LTN1: variants seen among roughly 807,000 people sequenced by gnomAD.
LTN1 encodes E3 ubiquitin-protein ligase listerin.
LTN1 carries 88 observed loss-of-function variants against 201.2 expected under a neutral mutation model. The observed-to-expected ratio is 0.44, with a 90% CI of 0.37 to 0.52. The LOEUF (loss-of-function observed/expected upper bound fraction) is 0.52, where lower values mean the gene tolerates loss of function less well. LTN1 is among the 20% of genes least tolerant of loss of function. The pLI is 0.00. For synonymous variants in LTN1, 645 were observed against 713.5 expected (o/e 0.90, Z 1.53); for missense variants, 1,752 against 2,038.7 (o/e 0.86, Z 2.71).
Position 28,944,665 on chromosome 21 carries a change from A to G in LTN1, c.3769-69T>C, listed in dbSNP as rs1601171110. On this transcript the variant is annotated intron_variant, in intron 21 of 29. Transcript: ENST00000361371. ...AGAACACTACAAATAAAGCCAATAT[A>G]AAGAAAAGCCCCACTTTCATTTCTT... 6 of 1,082,416 alleles carry G rather than the reference A, an allele frequency of 5.5e-6. No homozygotes were observed. The East Asian group carries it at 1.6e-4, about 28-fold the overall frequency. The allele number at this position is 1,082,416 out of a possible 1,614,324, so 67.1% of individuals were successfully genotyped here. A position where few individuals can be genotyped will look rare whatever the true frequency, so the allele number is the denominator to read the frequency against.
rs774672407 is a variant in LTN1 at position 28,966,412 on chromosome 21, G to A, written c.2079C>T (p.Asp693=). 9 of 1,611,630 alleles carry A rather than the reference G, an allele frequency of 5.6e-6. No homozygotes were observed. The highest frequency in any genetic ancestry group is 7.6e-6 in the Non-Finnish European group (9 of 1,179,430). Residue 693 remains aspartate (D), a synonymous_variant, in exon 10 of 30, where the codon GAC becomes GAT. Transcript: ENST00000361371. ...AGACTTTTTTTCTTTCCATATCATT[G>A]TCACAGCACCGGAGAGCACTGTACA... The part of the protein sequence containing the change: ...DILYSALRCC[D]NDMERKKVLD...
chr21:28,972,257 G>A (rs1446492462), intron 6 of LTN1, among the ~76,000 whole-genome samples: 2 of 152,128 alleles, frequency 1.3e-5, no homozygotes, highest in East Asian at 3.9e-4. Flanking sequence ...GAAATTTCCA[G>A]CCTACAGAAC....
chr21:28,953,257 G>A lies in LTN1; in HGVS notation c.3199C>T (p.Leu1067Phe). ...TGCAAAAGGCCCGACGTATTACCAA[G>A]TACACGTAAGTTATCATACGTAATA... is the stretch of plus-strand genomic sequence containing the variant. ...MNITYDNLRV[L>F]GNTSGLLQLL... The change falls in exon 17 of 30, where the codon CTT (leucine) becomes TTT (phenylalanine). Residue 1067 changes from leucine to phenylalanine, a missense_variant. Physicochemically the swap from Leu to Phe is conservative, Grantham distance 22 (BLOSUM62 0). Transcript: ENST00000361371. The A allele has an allele frequency of 6.3e-7, 1 of 1,594,086 alleles. No individual in the cohort carries two copies. Among genetic ancestry groups the A allele is most frequent in the Non-Finnish European group, 8.5e-7 (1 of 1,174,520 alleles).
At chr21:28,951,654 T>G (rs767567457) in intron 18 of LTN1, among the ~76,000 whole-genome samples, 2 of 151,852 alleles carry the variant, frequency 1.3e-5, no homozygotes, top group Admixed American at 6.6e-5. Context: ...CAAAAGGCTA[T>G]AGAGTTAAAA....
Position 28,966,649 on chromosome 21 carries a change from T to C in LTN1, c.1842A>G (p.Leu614=), listed in dbSNP as rs1296502734. The C allele has an allele frequency of 6.2e-7, 1 of 1,614,046 alleles. No individual in the cohort carries two copies. Residue 614 remains leucine (L), a synonymous_variant, in exon 10 of 30, where the codon CTA becomes CTG. Coordinates refer to ENST00000361371, the MANE Select transcript of LTN1 (RefSeq NM_015565.3). Reference sequence around the variant, plus strand: ...AGTCAAGCAGAGTAGAAAGAAACCTTAGATGTTGCTCTGACTTTCGTTCAT... The same window carrying C: ...AGTCAAGCAGAGTAGAAAGAAACCTCAGATGTTGCTCTGACTTTCGTTCAT... ...YVNERKSEQH[L]RFLSTLLDSF...
At chr21:28,973,880 T>C (rs899225228) in intron 6 of LTN1, among the ~76,000 whole-genome samples, 1 of 152,190 alleles carries the variant, frequency 6.6e-6, no homozygotes, top group South Asian at 2.1e-4. Context: ...GTTGTACATA[T>C]ACGGTCAAGT....
chr21:28,982,672 G>A (rs976735267), intron 4 of LTN1, among the ~76,000 whole-genome samples: 1 of 152,150 alleles, frequency 6.6e-6, no homozygotes, highest in Non-Finnish European at 1.5e-5. Flanking sequence ...AGATAAATTA[G>A]GCTCTGCTTT....
intron 16 of LTN1, among the ~76,000 whole-genome samples, chr21:28,956,394 A>G (rs2084425803): frequency 6.6e-6 from 1 of 152,162 alleles, no homozygotes; most frequent in Non-Finnish European, 1.5e-5. Context: ...ATGTAAAATT[A>G]TCAGGTATCA....
intron 6 of LTN1, among the ~76,000 whole-genome samples, chr21:28,975,546 C>T (rs979490591): frequency 6.6e-6 from 1 of 152,116 alleles, no homozygotes; most frequent in Non-Finnish European, 1.5e-5. Flanking sequence ...CTTAGCTCTG[C>T]TTTGTAGAAG....
intron 28 of LTN1, 46 bp downstream of exon 28, chr21:28,932,424 C>A (rs745539804): frequency 4.4e-5 from 64 of 1,442,394 alleles, no homozygotes; most frequent in Non-Finnish European, 5.2e-5. Flanking sequence ...TTAAATAGAT[C>A]ATCTTTTCCA....
chr21:28,953,157 A>C (rs1601181080), intron 17 of LTN1, 60 bp downstream of exon 17: 1 of 1,293,272 alleles, frequency 7.7e-7, no homozygotes, highest in East Asian at 2.5e-5. Context: ...CTCTTACAGA[A>C]GGCAAAGCCA....
At chr21:28,967,262 A>AG in intron 9 of LTN1, 83 bp from the exon 10 acceptor site, 2 of 981,096 alleles carry the variant, frequency 2.0e-6, no homozygotes, top group Non-Finnish European at 3.0e-6. Context: ...AAATCCTTGG[A>AG]ATCTCCAAAG....
At chr21:28,962,650 A>T (rs1244563389) in intron 11 of LTN1, among the ~76,000 whole-genome samples, 1 of 152,198 alleles carries the variant, frequency 6.6e-6, no homozygotes, top group African/African-American at 2.4e-5. Context: ...ATTACACTAC[A>T]ATGGCCTCTA....
chr21:28,979,535 A>G (rs1001439225), intron 6 of LTN1, among the ~76,000 whole-genome samples: 2 of 152,234 alleles, frequency 1.3e-5, no homozygotes, highest in Admixed American at 1.3e-4. Context: ...GGAATAAAAT[A>G]TAACAGTATC....
intron 19 of LTN1, 80 bp downstream of exon 19, chr21:28,947,384 T>C (rs1359547409): frequency 1.8e-6 from 2 of 1,141,956 alleles, no homozygotes; most frequent in Non-Finnish European, 2.4e-6. Flanking sequence ...CTCTGCTAGA[T>C]GTGGTCTTAT....
chr21:28,951,998 T>G (rs1478295539), intron 18 of LTN1, among the ~76,000 whole-genome samples, 162 bp downstream of exon 18: 2 of 152,000 alleles, frequency 1.3e-5, no homozygotes, highest in Admixed American at 6.6e-5. Flanking sequence ...AATTCAAAGG[T>G]ATGTCCCTAA....
In LTN1 at chr21:28,986,986, C is replaced by G. The variant is rs1363866058; in HGVS notation, c.43-52G>C. The G allele has an allele frequency of 8.1e-7, 1 of 1,237,064 alleles. No homozygotes were observed. The highest frequency in any genetic ancestry group is 1.2e-6 in the Non-Finnish European group (1 of 844,162). The allele number at this position is 1,237,064 out of a possible 1,614,324, so 76.6% of individuals were successfully genotyped here. The stretch of plus-strand genomic sequence containing the variant: ...GTCAGAGTCCAGGAAGGGTTCAAAA[C>G]TTAACTTTATAATTCCTTGGCTATT... On this transcript the variant is annotated intron_variant, in intron 1 of 29. Coordinates refer to ENST00000361371, the MANE Select transcript of LTN1 (RefSeq NM_015565.3). This position sits in a 1 kb window ranked among gnomAD's most constrained non-coding sequence, Gnocchi z 4.1.
At chr21:28,969,333 A>C in intron 9 of LTN1, 133 bp downstream of exon 9, 1 of 664,088 alleles carries the variant, frequency 1.5e-6, no homozygotes, top group Non-Finnish European at 2.4e-6. Context: ...AATACACATC[A>C]CTCAATTGGT....
At chr21:28,968,558 A>C (rs1165990451) in intron 9 of LTN1, among the ~76,000 whole-genome samples, 1 of 152,162 alleles carries the variant, frequency 6.6e-6, no homozygotes, top group African/African-American at 2.4e-5. Flanking sequence ...GATTTATTTA[A>C]ACTTACTACA....
Sources: gnomAD v4.1 joint callset for allele counts (sites outside exome capture counted in the v4.1 genomes callset) on GRCh38, gnomAD v4.1.1 for gene constraint, Gnocchi (gnomAD v3.1) non-coding constraint, MANE v1.5 for transcripts, NCBI Gene and HGNC (gene_info 2026-07-23, HGNC 2026-07-21) for gene names.